The following TENM3 variants were observed in gnomAD, a reference collection of about 807,000 sequenced individuals.
The protein encoded by TENM3 is teneurin-3.
TENM3 carries 63 observed loss-of-function variants against 255.1 expected under a neutral mutation model. That is an observed-to-expected ratio of 0.25 (90% CI 0.20 to 0.30). The LOEUF is 0.30. Ranked by LOEUF, TENM3 falls within the 10% of genes least tolerant of loss-of-function variation. The probability of loss-of-function intolerance (pLI) is 1.00; values close to 1 mark genes in which losing one functional copy is unlikely to be tolerated. For synonymous variants in TENM3, 1,306 were observed against 1,322.3 expected, an observed-to-expected ratio of 0.99 and a Z score of 0.27; for missense variants, 2,929 against 3,461.1, an observed-to-expected ratio of 0.85 and a Z score of 3.86.
chr4:182,370,507 C>T (rs1450365132), intron 3 of TENM3, among the ~76,000 whole-genome samples: 1 of 152,132 alleles, frequency 6.6e-6, no homozygotes, highest in Non-Finnish European at 1.5e-5. Flanking sequence ...TTTTAATCAA[C>T]CTTTTTAAAA....
chr4:181,493,385 T>C, the TENM3 span, among the ~76,000 whole-genome samples: 2 of 152,084 alleles, frequency 1.3e-5, no homozygotes, highest in Admixed American at 6.5e-5. Context: ...TAGAATTAAT[T>C]TTCTTTTTGA....
the TENM3 span, among the ~76,000 whole-genome samples, chr4:181,629,708 CT>C: frequency 6.6e-6 from 1 of 152,116 alleles, no homozygotes; most frequent in African/African-American, 2.4e-5. Flanking sequence ...GGTGGATAAG[CT>C]TTTTGATGTG....
rs779036116 is a variant in TENM3, at chr4:182,681,921, T to G, written c.1942T>G (p.Cys648Gly). The stretch of plus-strand genomic sequence containing the variant: ...CAATTGTGAAATACTGAAGACCATG[T>G]GTCCAGACCAGTGCTCCGGCCACGG... Reference protein sequence around the residue: ...GSNCEILKTMCPDQCSGHGTY... With the variant: ...GSNCEILKTMGPDQCSGHGTY... The change falls in exon 11 of 28, where the codon TGT becomes GGT. Residue 648 changes from cysteine to glycine, a missense_variant. By Grantham distance (159) the Cys-to-Gly change is radical. Transcript: ENST00000511685. 6.2e-7 allele frequency: 1 copy of G among 1,613,966 alleles called. No individual in the cohort carries two copies. The highest frequency in any genetic ancestry group is 1.1e-5 in the South Asian group (1 of 91,080).
chr4:182,612,466 G>T (rs187346528), intron 4 of TENM3, among the ~76,000 whole-genome samples: 1 of 152,178 alleles, frequency 6.6e-6, no homozygotes, highest in African/African-American at 2.4e-5. Context: ...CTGAGTATAG[G>T]TTCCACGATC....
chr4:182,272,805 C>T (rs1759729140), intron 1 of TENM3, among the ~76,000 whole-genome samples: 1 of 152,090 alleles, frequency 6.6e-6, no homozygotes, highest in African/African-American at 2.4e-5. Flanking sequence ...GCAATGATTT[C>T]AGCTTGGGAT....
chr4:181,531,132 T>C, the TENM3 span, among the ~76,000 whole-genome samples: 3 of 152,174 alleles, frequency 2.0e-5, no homozygotes, highest in South Asian at 4.1e-4. Context: ...TGTCATGTGG[T>C]TATTTTCTGC....
the TENM3 span, among the ~76,000 whole-genome samples, chr4:181,831,724 C>A: frequency 1.3e-5 from 2 of 152,118 alleles, no homozygotes; most frequent in Non-Finnish European, 2.9e-5. Flanking sequence ...AGAACAGATT[C>A]TGCAGGAGTG....
At chr4:181,933,446 G>A in the TENM3 span, among the ~76,000 whole-genome samples, 22 of 152,228 alleles carry the variant, frequency 1.4e-4, no homozygotes, top group Non-Finnish European at 8.8e-5. Context: ...ACCACGAACT[G>A]TTAATAGCAC....
chr4:181,609,805 C>T, the TENM3 span, among the ~76,000 whole-genome samples: 1 of 152,148 alleles, frequency 6.6e-6, no homozygotes, highest in Non-Finnish European at 1.5e-5. Context: ...ACCACATATT[C>T]GATTTTAACA....
chr4:181,832,167 C>T, the TENM3 span, among the ~76,000 whole-genome samples: 1 of 152,052 alleles, frequency 6.6e-6, no homozygotes, highest in Admixed American at 6.6e-5. Flanking sequence ...ATTATGAACT[C>T]AGAGTGGAGA....
chr4:182,047,571 A>AAT, the TENM3 span, among the ~76,000 whole-genome samples: 1 of 151,374 alleles, frequency 6.6e-6, no homozygotes, highest in Non-Finnish European at 1.5e-5. Flanking sequence ...AAAAAAAAAA[A>AAT]AAAAAAAAAA....
chr4:182,256,262 A>G (rs1245610484), intron 1 of TENM3, among the ~76,000 whole-genome samples: 1 of 152,212 alleles, frequency 6.6e-6, no homozygotes, highest in African/African-American at 2.4e-5. Flanking sequence ...TGAAATTTGA[A>G]TCGATTATGG....
chr4:182,456,122 T>TGGTG (rs1773858321), intron 3 of TENM3, among the ~76,000 whole-genome samples: 1 of 152,194 alleles, frequency 6.6e-6, no homozygotes, highest in South Asian at 2.1e-4. Flanking sequence ...TTTAATTTTG[T>TGGTG]GGTGATGGAA....
At chr4:182,075,573 C>A in the TENM3 span, among the ~76,000 whole-genome samples, 78 of 152,280 alleles carry the variant, frequency 5.1e-4, 1 homozygote, top group African/African-American at 1.8e-3. Flanking sequence ...TTGCTCTCAA[C>A]TCTCCAACTT....
At chr4:181,508,805 C>T in the TENM3 span, among the ~76,000 whole-genome samples, 23 of 151,358 alleles carry the variant, frequency 1.5e-4, no homozygotes, top group African/African-American at 5.4e-4. Flanking sequence ...TGACTTGATC[C>T]GTCACTGCTT....
At chr4:182,524,001 G>A (rs1368882967) in intron 3 of TENM3, among the ~76,000 whole-genome samples, 1 of 151,526 alleles carries the variant, frequency 6.6e-6, no homozygotes, top group Non-Finnish European at 1.5e-5. Context: ...TTTTCCGTAG[G>A]AAAAAAAAGA....
At chr4:182,620,951 G>A (rs377348895) in intron 4 of TENM3, among the ~76,000 whole-genome samples, 32 of 152,076 alleles carry the variant, frequency 2.1e-4, no homozygotes, top group African/African-American at 6.7e-4. Context: ...AGGCCAAGGC[G>A]GGTGGATCCC....
chr4:182,320,283 A>C (rs924521142), intron 1 of TENM3, among the ~76,000 whole-genome samples: 1 of 152,214 alleles, frequency 6.6e-6, no homozygotes, highest in Non-Finnish European at 1.5e-5. Context: ...CTGGTGGCTT[A>C]GAACAACAGG....
intron 3 of TENM3, among the ~76,000 whole-genome samples, chr4:182,512,842 G>A (rs906723905): frequency 1.3e-5 from 2 of 152,080 alleles, no homozygotes; most frequent in African/African-American, 4.8e-5. Context: ...TAGGCTAAGA[G>A]TATACAGAAA....
Sources: allele counts gnomAD v4.1 joint callset (sites outside exome capture counted in the v4.1 genomes callset), GRCh38; gene constraint gnomAD v4.1.1; transcripts MANE v1.5; gene names NCBI Gene and HGNC (gene_info 2026-07-23, HGNC 2026-07-21).